Variants in CACNB4 observed in about 807,000 individuals in gnomAD.
CACNB4 encodes the protein voltage-dependent L-type calcium channel subunit beta-4.
CACNB4 carries 32 observed loss-of-function variants against 71.2 expected under a neutral mutation model. That is an observed-to-expected ratio of 0.45 (90% confidence interval 0.34 to 0.60). CACNB4 has a LOEUF of 0.60. Ranked by LOEUF, CACNB4 falls within the 20% of genes least tolerant of loss-of-function variation. The probability of loss-of-function intolerance (pLI) is 0.01; values close to 1 mark genes in which losing one functional copy is unlikely to be tolerated. For missense variants in CACNB4, 464 were observed against 647.9 expected, an observed-to-expected ratio of 0.72 and a Z score of 3.08; for synonymous variants, 231 against 236.9, an observed-to-expected ratio of 0.97 and a Z score of 0.23.
At position 152,039,587 on chromosome 2, in the gene CACNB4, C is replaced by T. The variant is rs1055443277; in HGVS notation, c.147+58743G>A. 7.2e-5 allele frequency among the ~76,000 whole-genome samples: 11 copies of T among 152,266 alleles called. 1 individual carries two copies. In the South Asian group the frequency reaches 2.1e-3, roughly 29 times the overall value. ...AGGTTTTATCTTACATTTCCAACTA[C>T]ATTATTTGTTCTATGAGGATAAGAG... On this transcript the variant is annotated intron_variant, in intron 2 of 13. Coordinates refer to ENST00000539935, the MANE Select transcript of CACNB4 (RefSeq NM_000726.5).
intron 2 of CACNB4, chr2:151,967,039 A>AC (rs2099871315): frequency 1.1e-5 from 1 of 94,484 alleles, no homozygotes; most frequent in African/African-American, 4.7e-5. Flanking sequence ...CTGTCTCCAC[A>AC]TTTTTTTTTT....
In CACNB4 at chr2:151,971,088, G is replaced by A. The variant is rs545089403; in HGVS notation, c.148-87718C>T. 5.5e-4 allele frequency: 96 copies of A among 175,018 alleles called. 1 individual carries two copies. In the South Asian group the frequency reaches 0.014, roughly 25 times the overall value. 10.8% of individuals were successfully genotyped at this position (175,018 alleles called of 1,614,324 possible). On this transcript the variant is annotated intron_variant, in intron 2 of 13. Transcript: ENST00000539935. Reference sequence around the variant, plus strand: ...TTCACATATAGAGTATGTGAAACACGGAGGTTACAAACTAAAATCTAGGGC... The same window carrying A: ...TTCACATATAGAGTATGTGAAACACAGAGGTTACAAACTAAAATCTAGGGC...
intron 2 of CACNB4, among the ~76,000 whole-genome samples, chr2:152,044,509 C>T (rs1256420004): frequency 6.6e-6 from 1 of 152,154 alleles, no homozygotes; most frequent in Non-Finnish European, 1.5e-5. Context: ...TGAGCCACCG[C>T]ACCCGGCCTT....
chr2:151,969,516 A>G (rs1320158557), intron 2 of CACNB4: 3 of 152,210 alleles, frequency 2.0e-5, no homozygotes, highest in Non-Finnish European at 4.4e-5. Context: ...CTTTGTTCAC[A>G]TCAAAAGCAG....
chr2:151,961,686 T>TACGA (rs983975790), intron 2 of CACNB4, among the ~76,000 whole-genome samples: 4 of 151,828 alleles, frequency 2.6e-5, no homozygotes, highest in Non-Finnish European at 4.4e-5. Flanking sequence ...AGCCCAGGAG[T>TACGA]ACGAGATCAG....
intron 2 of CACNB4, among the ~76,000 whole-genome samples, chr2:151,903,501 A>G (rs1216634630): frequency 1.3e-5 from 2 of 150,736 alleles, no homozygotes; most frequent in African/African-American, 4.8e-5. Context: ...CCTGAGCAGC[A>G]GAGAGAGATT....
rs371673358 is a variant in CACNB4 at position 151,919,000 on chromosome 2, G to A, written c.148-35630C>T. 6.6e-5 allele frequency among the ~76,000 whole-genome samples: 10 copies of A among 152,282 alleles called. No individual in the cohort carries two copies. The East Asian group carries it at 1.5e-3, about 24-fold the overall frequency. On this transcript the variant is annotated intron_variant, in intron 2 of 13. Coordinates refer to ENST00000539935, the MANE Select transcript of CACNB4 (RefSeq NM_000726.5). ...ATGAATCCCTGTTCTCTGAAGTTCC[G>A]TAATATATGGAAGGTGTGATTTCGC...
intron 2 of CACNB4, among the ~76,000 whole-genome samples, chr2:151,955,714 C>T (rs1441277630): frequency 6.6e-6 from 1 of 151,782 alleles, no homozygotes; most frequent in Non-Finnish European, 1.5e-5. Flanking sequence ...GAACCAGCCC[C>T]GGCAACATAG....
intron 2 of CACNB4, among the ~76,000 whole-genome samples, chr2:151,917,371 A>T (rs936781864): frequency 1.3e-5 from 2 of 152,126 alleles, no homozygotes; most frequent in African/African-American, 4.8e-5. Flanking sequence ...ACCTGGAAGG[A>T]CTCTTCCCAA....
chr2:151,998,484 C>A (rs1682202519), intron 2 of CACNB4, among the ~76,000 whole-genome samples: 1 of 152,158 alleles, frequency 6.6e-6, no homozygotes, highest in African/African-American at 2.4e-5. Context: ...CCTGAACTTC[C>A]TTAACTTCTC....
chr2:151,850,141 C>CTTTTTTTTTTTTTTTTTTTTTTTTTTCTT (rs750436136), intron 12 of CACNB4: 2 of 98,160 alleles, frequency 2.0e-5, no homozygotes, highest in Non-Finnish European at 3.7e-5. Context: ...TTCTTTCTTT[C>CTTTTTTTTTTTTTTTTTTTTTTTTTTCTT]TTTTTTTTTT....
At chr2:151,930,369 A>G (rs185130837) in intron 2 of CACNB4, among the ~76,000 whole-genome samples, 1 of 152,258 alleles carries the variant, frequency 6.6e-6, no homozygotes. Flanking sequence ...AAAAAATTAA[A>G]CTAAAATAGT....
In CACNB4 at chr2:151,880,788, T is replaced by C; in HGVS notation, c.390+12A>G. The C allele has an allele frequency of 6.2e-7, 1 of 1,607,088 alleles. No individual in the cohort carries two copies. Among genetic ancestry groups the C allele is most frequent in the Non-Finnish European group, 8.5e-7 (1 of 1,176,704 alleles). The stretch of plus-strand genomic sequence containing the variant: ...TTGGCAGGTGAAGGGATGCAGTATG[T>C]TCTACATTTACCTCTTTAATATGTA... On this transcript the variant is annotated intron_variant, in intron 4 of 13. Coordinates refer to ENST00000539935, the MANE Select transcript of CACNB4 (RefSeq NM_000726.5).
intron 2 of CACNB4, among the ~76,000 whole-genome samples, chr2:151,923,329 G>T (rs2099859423): frequency 2.6e-5 from 4 of 152,242 alleles, no homozygotes; most frequent in Middle Eastern, 3.4e-3. Flanking sequence ...AGTTGCATAG[G>T]GCAGGGTGTC....
At position 151,838,985 on chromosome 2, in the gene CACNB4, TAC is replaced by T; in HGVS notation, c.*132_*133del. ...TAATGTAATTTTTTTTTTTGCCCCT[TAC>T]TTAGCATAAAATGACAGCAGCCCAT... is the stretch of plus-strand genomic sequence containing the variant. On this transcript the variant is annotated 3_prime_UTR_variant, in exon 14 of 14. Transcript: ENST00000539935. 2.8e-6 allele frequency: 2 copies of T among 723,064 alleles called. No individual in the cohort carries two copies. Among genetic ancestry groups the T allele is most frequent in the African/African-American group, 1.8e-5 (1 of 56,782 alleles). The allele number at this position is 723,064 out of a possible 1,614,324, so 44.8% of individuals were successfully genotyped here.
At chr2:151,988,511 T>C (rs933461688) in intron 2 of CACNB4, among the ~76,000 whole-genome samples, 2 of 152,176 alleles carry the variant, frequency 1.3e-5, no homozygotes, top group African/African-American at 4.8e-5. Flanking sequence ...CTCTCAATAC[T>C]GCTGTTTTAG....
intron 4 of CACNB4, chr2:151,880,313 TC>T (rs1452092197): frequency 6.5e-6 from 1 of 154,834 alleles, no homozygotes; most frequent in East Asian, 1.9e-4. Context: ...CCCAGAGCCC[TC>T]TGCCCTTTTC....
At chr2:152,025,467 T>C (rs545440817) in intron 2 of CACNB4, among the ~76,000 whole-genome samples, 1 of 152,326 alleles carries the variant, frequency 6.6e-6, no homozygotes, top group East Asian at 1.9e-4. Context: ...ACAGCCTCTA[T>C]TGTAAGCATA....
chr2:151,890,554 G>A (rs993738881), intron 2 of CACNB4, among the ~76,000 whole-genome samples: 1 of 152,062 alleles, frequency 6.6e-6, no homozygotes, highest in Non-Finnish European at 1.5e-5. Context: ...GGGGAGCAAG[G>A]GTGTGGTAGA....
Sources: gnomAD v4.1 joint callset for allele counts (sites outside exome capture counted in the v4.1 genomes callset) on GRCh38, gnomAD v4.1.1 for gene constraint, MANE v1.5 for transcripts, NCBI Gene and HGNC (gene_info 2026-07-23, HGNC 2026-07-21) for gene names.